The following PHF20 variants were observed in gnomAD, a reference collection of about 807,000 sequenced individuals.
PHF20 encodes PHD finger protein 20, also known as glioma-expressed antigen 2.
PHF20 carries 23 observed loss-of-function variants against 113.5 expected under a neutral mutation model. That is an observed-to-expected ratio of 0.20 (90% CI 0.15 to 0.29). PHF20 has a LOEUF of 0.29. Ranked by LOEUF, PHF20 falls within the 10% of genes least tolerant of loss-of-function variation. The probability of loss-of-function intolerance (pLI) is 1.00; values close to 1 mark genes in which losing one functional copy is unlikely to be tolerated. For missense variants in PHF20, 943 were observed against 1,219.6 expected (o/e 0.77, Z 3.38); for synonymous variants, 434 against 457.3 (o/e 0.95, Z 0.65).
chr20:35,772,248 G>T (rs1197483375), intron 1 of PHF20, among the ~76,000 whole-genome samples, 169 bp downstream of exon 1: 3 of 151,840 alleles, frequency 2.0e-5, no homozygotes, highest in Admixed American at 1.3e-4. Flanking sequence ...GGGAGGCCCT[G>T]GGACTGCTGC....
At chr20:35,818,298 AAAC>A (rs981315888) in intron 2 of PHF20, among the ~76,000 whole-genome samples, 2 of 150,766 alleles carry the variant, frequency 1.3e-5, no homozygotes, top group African/African-American at 5.0e-5. Flanking sequence ...AAACAAAACA[AAAC>A]AAAAAATTAG....
intron 2 of PHF20, among the ~76,000 whole-genome samples, chr20:35,812,688 C>T (rs988096783): frequency 3.3e-5 from 5 of 152,082 alleles, no homozygotes; most frequent in East Asian, 1.9e-4. Flanking sequence ...AAAGCTAGGT[C>T]GTCCCACTGT....
At chr20:35,784,234 A>T (rs1181053859) in intron 1 of PHF20, among the ~76,000 whole-genome samples, 1 of 151,430 alleles carries the variant, frequency 6.6e-6, no homozygotes, top group Non-Finnish European at 1.5e-5. Context: ...TTGTATTTTT[A>T]GTAGAGATGG....
At chr20:35,800,089 T>A (rs956331300) in intron 1 of PHF20, 3 of 152,192 alleles carry the variant, frequency 2.0e-5, no homozygotes, top group African/African-American at 7.2e-5. Flanking sequence ...TTTTATTCAT[T>A]GCAGCACGAG....
chr20:35,799,667 C>CTT (rs112431805), intron 1 of PHF20, among the ~76,000 whole-genome samples: 2 of 146,816 alleles, frequency 1.4e-5, no homozygotes. Flanking sequence ...AAGAAGTGTT[C>CTT]TTTTTTTTTT....
At chr20:35,880,980 AT>A (rs1555796782) in intron 9 of PHF20, among the ~76,000 whole-genome samples, 3 of 149,390 alleles carry the variant, frequency 2.0e-5, no homozygotes, top group African/African-American at 2.5e-5. Flanking sequence ...AAAATTAAAA[AT>A]TTTTTTTTAG....
At chr20:35,858,407 T>A in intron 5 of PHF20, 26 bp downstream of exon 5, 1 of 1,269,482 alleles carries the variant, frequency 7.9e-7, no homozygotes, top group Non-Finnish European at 1.1e-6. Context: ...TTGTGCTTTG[T>A]GTTATGAATA....
chr20:35,842,939 C>T (rs551878395), intron 3 of PHF20, among the ~76,000 whole-genome samples, 195 bp downstream of exon 3: 3 of 152,236 alleles, frequency 2.0e-5, no homozygotes, highest in Non-Finnish European at 2.9e-5. Flanking sequence ...GACGGAGTCT[C>T]GCTGTGTTGC....
At chr20:35,842,970 G>T (rs1320178693) in intron 3 of PHF20, among the ~76,000 whole-genome samples, 1 of 152,104 alleles carries the variant, frequency 6.6e-6, no homozygotes, top group Non-Finnish European at 1.5e-5. Context: ...GTGCAGTGGT[G>T]CAGTCTCTGC....
At chr20:35,885,208 G>C (rs1568706197) in intron 9 of PHF20, among the ~76,000 whole-genome samples, 1 of 152,094 alleles carries the variant, frequency 6.6e-6, no homozygotes, top group Non-Finnish European at 1.5e-5. Flanking sequence ...GAATATTTCA[G>C]TGTGTATTTC....
chr20:35,896,816 A>T (rs1054562753), intron 9 of PHF20, among the ~76,000 whole-genome samples: 2 of 151,748 alleles, frequency 1.3e-5, no homozygotes, highest in African/African-American at 4.8e-5. Context: ...AAAAAAAAAA[A>T]AAAGTCCTTG....
chr20:35,796,027 T>A lies in PHF20; in HGVS notation c.-32-5464T>A, dbSNP rs189473408. On this transcript the variant is annotated intron_variant, in intron 1 of 17. Transcript: ENST00000374012. ...CACCATGCCCAGCTAATTTTTGTAT[T>A]TTTTAGTGGAGACGGGGTTTCACTA... Among the ~76,000 whole-genome samples the A allele has an allele frequency of 8.8e-4, 134 of 152,162 alleles. 2 individuals are homozygous for A. Among genetic ancestry groups the A allele is most frequent in the Admixed American group, 8.8e-3 (134 of 15,270 alleles).
Position 35,873,246 on chromosome 20 carries a change from G to A in PHF20, c.1282+1417G>A, listed in dbSNP as rs2054454911. On this transcript the variant is annotated intron_variant, in intron 9 of 17. Coordinates refer to ENST00000374012, the MANE Select transcript of PHF20 (RefSeq NM_016436.5). ...CTCCCGAGTAGCTGGGATTACAGGA[G>A]TGTGCCACCACGCCCAGCTAATTTT... Among the ~76,000 whole-genome samples the A allele has an allele frequency of 4.6e-5, 7 of 151,312 alleles. No homozygotes were observed. The South Asian group carries it at 1.5e-3, about 32-fold the overall frequency.
chr20:35,802,845 A>G (rs1187457152), intron 2 of PHF20, among the ~76,000 whole-genome samples: 1 of 150,636 alleles, frequency 6.6e-6, no homozygotes, highest in Non-Finnish European at 1.5e-5. Flanking sequence ...AGGCTGAGCC[A>G]GGAGAATTGC....
At chr20:35,818,926 TTTTTG>T (rs111250703) in intron 2 of PHF20, among the ~76,000 whole-genome samples, 6 of 151,568 alleles carry the variant, frequency 4.0e-5, no homozygotes, top group South Asian at 2.1e-4. Flanking sequence ...GCCTTCCCTG[TTTTTG>T]TTTTGTTTTG....
intron 1 of PHF20, among the ~76,000 whole-genome samples, chr20:35,793,049 G>C (rs1403754196): frequency 6.6e-6 from 1 of 152,110 alleles, no homozygotes; most frequent in Non-Finnish European, 1.5e-5. Context: ...AGGTCCTCTT[G>C]GAGGCTTCTT....
At chr20:35,863,669 C>A (rs1036262024) in intron 6 of PHF20, among the ~76,000 whole-genome samples, 24 of 152,166 alleles carry the variant, frequency 1.6e-4, no homozygotes, top group Non-Finnish European at 3.1e-4. Flanking sequence ...TATGATAAAA[C>A]CTGATAAACC....
chr20:35,903,528 G>T (rs2055143382), intron 10 of PHF20, among the ~76,000 whole-genome samples: 1 of 152,028 alleles, frequency 6.6e-6, no homozygotes, highest in Non-Finnish European at 1.5e-5. Flanking sequence ...GTGAGGGCAG[G>T]ATTTGTGCAG....
intron 4 of PHF20, among the ~76,000 whole-genome samples, chr20:35,857,579 T>TTTG (rs1568660980): frequency 3.5e-5 from 5 of 142,628 alleles, no homozygotes; most frequent in African/African-American, 1.3e-4. Flanking sequence ...TTTTTTTTTT[T>TTTG]TTTTTTTGTT....
Sources: gnomAD v4.1 joint callset for allele counts (sites outside exome capture counted in the v4.1 genomes callset) on GRCh38, gnomAD v4.1.1 for gene constraint, MANE v1.5 for transcripts, NCBI Gene and HGNC (gene_info 2026-07-23, HGNC 2026-07-21) for gene names.